LAPTM4B: variants seen among roughly 807,000 people sequenced by gnomAD.
LAPTM4B encodes the protein lysosomal-associated transmembrane protein 4B.
LAPTM4B carries 26 observed loss-of-function variants against 28.5 expected under a neutral mutation model. The observed-to-expected ratio is 0.91, with a 90% CI of 0.67 to 1.27. The LOEUF is 1.27. LAPTM4B is among the 50% of genes most tolerant of loss of function. The pLI, the probability that LAPTM4B is intolerant of heterozygous loss-of-function variation, is 0.00. For synonymous variants in LAPTM4B, 109 were observed against 106.4 expected, an observed-to-expected ratio of 1.02 and a Z score of -0.15; for missense variants, 288 against 285.8, an observed-to-expected ratio of 1.01 and a Z score of -0.06.
intron 1 of LAPTM4B, among the ~76,000 whole-genome samples, chr8:97,778,485 G>T (rs772770679): frequency 2.4e-4 from 36 of 151,970 alleles, no homozygotes; most frequent in Non-Finnish European, 4.1e-4. Context: ...GACTTAACTT[G>T]TGCAAGCTGA....
In LAPTM4B at chr8:97,776,122, G is replaced by T. The variant is rs777711809; in HGVS notation, c.99+14G>T. On this transcript the variant is annotated intron_variant, in intron 1 of 6. Coordinates refer to ENST00000521545, the MANE Select transcript of LAPTM4B (RefSeq NM_018407.6). ...GTCTGGTATCTGGTGAGCGCGGCGCGCCCGGCCCGGGACCCTGCGTTGCTT... is the reference window on the plus strand; with the variant it reads ...GTCTGGTATCTGGTGAGCGCGGCGCTCCCGGCCCGGGACCCTGCGTTGCTT... 1 of 1,490,484 alleles carries T rather than the reference G, an allele frequency of 6.7e-7. No individual in the cohort carries two copies. The highest frequency in any genetic ancestry group is 1.2e-5 in the South Asian group (1 of 85,714). The allele number at this position is 1,490,484 out of a possible 1,614,324, so 92.3% of individuals were successfully genotyped here.
intron 5 of LAPTM4B, among the ~76,000 whole-genome samples, chr8:97,823,421 C>T (rs1411685830): frequency 4.1e-5 from 6 of 146,920 alleles, no homozygotes; most frequent in African/African-American, 1.0e-4. Context: ...GTCACCCAGG[C>T]TGGAGTGCAG....
chr8:97,818,692 C>A (rs1816959192), intron 4 of LAPTM4B, among the ~76,000 whole-genome samples: 1 of 152,060 alleles, frequency 6.6e-6, no homozygotes, highest in Non-Finnish European at 1.5e-5. Context: ...CCTGCATATG[C>A]CCTTTAGAAT....
chr8:97,785,141 A>G (rs919608951), intron 1 of LAPTM4B, among the ~76,000 whole-genome samples: 3 of 150,850 alleles, frequency 2.0e-5, no homozygotes, highest in African/African-American at 7.3e-5. Flanking sequence ...GATGGAGTGC[A>G]GTGGTGCCAT....
chr8:97,845,650 A>G (rs551272050), intron 6 of LAPTM4B, among the ~76,000 whole-genome samples: 21 of 151,910 alleles, frequency 1.4e-4, no homozygotes, highest in Non-Finnish European at 2.6e-4. Flanking sequence ...TTAGACCTCA[A>G]AATCTCCAAG....
chr8:97,826,443 A>G (rs1243677590), intron 6 of LAPTM4B, among the ~76,000 whole-genome samples: 1 of 152,186 alleles, frequency 6.6e-6, no homozygotes, highest in Admixed American at 6.5e-5. Context: ...TATCTATTCA[A>G]AATTTTCGTG....
At chr8:97,835,889 G>A (rs1034121945) in intron 6 of LAPTM4B, among the ~76,000 whole-genome samples, 1 of 57,424 alleles carries the variant, frequency 1.7e-5, no homozygotes, top group Non-Finnish European at 5.0e-5. Flanking sequence ...AGCAGCGGGC[G>A]CGGGCAAGCA....
chr8:97,807,221 T>C (rs1282869010), intron 2 of LAPTM4B, among the ~76,000 whole-genome samples: 1 of 152,090 alleles, frequency 6.6e-6, no homozygotes, highest in East Asian at 1.9e-4. Flanking sequence ...TGCCTCAATT[T>C]CCCCCTCTGC....
At chr8:97,791,964 A>G (rs545529743) in intron 1 of LAPTM4B, among the ~76,000 whole-genome samples, 2 of 152,290 alleles carry the variant, frequency 1.3e-5, no homozygotes, top group South Asian at 4.1e-4. Context: ...AAAGGATGGT[A>G]CTGTTGACTG....
intron 6 of LAPTM4B, among the ~76,000 whole-genome samples, chr8:97,848,208 G>A (rs1346185382): frequency 6.6e-6 from 1 of 152,196 alleles, no homozygotes; most frequent in East Asian, 1.9e-4. Context: ...GTTGCACTCA[G>A]CCGAGATCGC....
chr8:97,836,248 T>A (rs1190996925), intron 6 of LAPTM4B, among the ~76,000 whole-genome samples: 2 of 152,188 alleles, frequency 1.3e-5, no homozygotes, highest in Non-Finnish European at 2.9e-5. Flanking sequence ...GAGTGATACA[T>A]CAGCTCACTG....
At chr8:97,826,927 T>C (rs1282279311) in intron 6 of LAPTM4B, among the ~76,000 whole-genome samples, 1 of 152,184 alleles carries the variant, frequency 6.6e-6, no homozygotes, top group Non-Finnish European at 1.5e-5. Flanking sequence ...TAATGAAAAA[T>C]GTAAGCAAGG....
intron 1 of LAPTM4B, among the ~76,000 whole-genome samples, chr8:97,804,674 A>G (rs1482247600): frequency 6.6e-6 from 1 of 152,194 alleles, no homozygotes; most frequent in Non-Finnish European, 1.5e-5. Context: ...TAGCGAGGCC[A>G]TTTTTTAAAT....
intron 1 of LAPTM4B, among the ~76,000 whole-genome samples, chr8:97,801,535 T>C (rs1413741384): frequency 3.9e-5 from 6 of 152,110 alleles, no homozygotes; most frequent in Non-Finnish European, 8.8e-5. Flanking sequence ...CAGTCCACAA[T>C]TTTCCACATA....
chr8:97,824,965 A>G (rs930193821), intron 5 of LAPTM4B, 93 bp from the exon 6 acceptor site: 9 of 711,788 alleles, frequency 1.3e-5, no homozygotes, highest in African/African-American at 1.2e-4. Flanking sequence ...GCTTATGTCA[A>G]TAAAAGTTTT....
At chr8:97,823,443 C>T (rs561534928) in intron 5 of LAPTM4B, among the ~76,000 whole-genome samples, 39 of 148,824 alleles carry the variant, frequency 2.6e-4, no homozygotes, top group South Asian at 6.4e-4. Context: ...GGCGCAATCT[C>T]GGCTCACTGC....
chr8:97,777,137 GTTTTTTTTT>G (rs1176218610), intron 1 of LAPTM4B, among the ~76,000 whole-genome samples: 6 of 83,852 alleles, frequency 7.2e-5, no homozygotes, highest in Admixed American at 1.6e-4. Context: ...TTTCAGTGAG[GTTTTTTTTT>G]TTTTTTTTTT....
chr8:97,802,263 ATAAT>A (rs1586327298), intron 1 of LAPTM4B, among the ~76,000 whole-genome samples: 1 of 152,164 alleles, frequency 6.6e-6, no homozygotes, highest in Admixed American at 6.6e-5. Context: ...TGATAATACT[ATAAT>A]TATTTATTCA....
At chr8:97,805,324 C>CTTTTTTTTTTTTTT (rs386413439) in intron 1 of LAPTM4B, 29 bp from the exon 2 acceptor site, 6 of 843,610 alleles carry the variant, frequency 7.1e-6, no homozygotes, top group African/African-American at 2.1e-5. Flanking sequence ...TACTTAAATT[C>CTTTTTTTTTTTTTT]TTTTTTTTTT....
Sources: allele counts gnomAD v4.1 joint callset (sites outside exome capture counted in the v4.1 genomes callset), GRCh38; gene constraint gnomAD v4.1.1; transcripts MANE v1.5; gene names NCBI Gene and HGNC (gene_info 2026-07-23, HGNC 2026-07-21).